RBFOX1: variants seen among roughly 807,000 people sequenced by gnomAD.
RBFOX1 encodes the protein RNA binding fox-1 homolog 1.
A neutral mutation model predicts 57.7 loss-of-function variants in RBFOX1; 8 were observed. That is an observed-to-expected ratio of 0.14 (90% CI 0.08 to 0.25). RBFOX1 has a LOEUF of 0.25. RBFOX1 is among the 10% of genes least tolerant of loss of function. RBFOX1 has a pLI of 1.00. For synonymous variants in RBFOX1, 326 were observed against 222.4 expected (o/e 1.47, Z -4.15); for missense variants, 611 against 548.5 (o/e 1.11, Z -1.14).
chr16:5,657,732 C>CTTTTTT lies in RBFOX1; in HGVS notation c.318+58775_318+58776insTTTTTT, dbSNP rs71386513. On this transcript the variant is annotated intron_variant, in intron 3 of 19. Transcript: ENST00000641259. ...TTTCTCTCTTTCTTTTGTTTCTTTT[C>CTTTTTT]TTTTCTTTTTTTTTTTTTGAGACAG... 1.3e-4 allele frequency among the ~76,000 whole-genome samples: 13 copies of CTTTTTT among 98,348 alleles called. 5 individuals carry two copies. The highest frequency in any genetic ancestry group is 1.9e-4 in the Non-Finnish European group (10 of 53,156). 64.5% of individuals were successfully genotyped at this position (98,348 alleles called of 152,430 possible).
intron 3 of RBFOX1, among the ~76,000 whole-genome samples, chr16:5,866,252 A>AG: frequency 6.6e-6 from 1 of 152,318 alleles, no homozygotes; most frequent in East Asian, 1.9e-4. Flanking sequence ...TATAGGCATG[A>AG]GGCATTGTGC....
intron 9 of RBFOX1, among the ~76,000 whole-genome samples, chr16:7,606,593 C>G (rs1232341876): frequency 6.6e-6 from 1 of 152,118 alleles, no homozygotes; most frequent in Non-Finnish European, 1.5e-5. Context: ...GTAAAGATTT[C>G]TAAAGGGTCA....
chr16:5,281,340 C>G (rs1445017415), intron 1 of RBFOX1, among the ~76,000 whole-genome samples: 4 of 152,132 alleles, frequency 2.6e-5, no homozygotes, highest in African/African-American at 9.6e-5. Flanking sequence ...GTTTTGTGTC[C>G]TAGCATATGG....
intron 14 of RBFOX1, among the ~76,000 whole-genome samples, chr16:7,690,806 C>T (rs1568480651): frequency 6.6e-6 from 1 of 152,048 alleles, no homozygotes; most frequent in East Asian, 1.9e-4. Flanking sequence ...AATCAATAGT[C>T]TTAATGTTCA....
chr16:6,715,375 C>G (rs1270134303), intron 3 of RBFOX1, among the ~76,000 whole-genome samples: 1 of 151,960 alleles, frequency 6.6e-6, no homozygotes, highest in African/African-American at 2.4e-5. Flanking sequence ...ATTTTGAATG[C>G]TGCAGCTTTA....
intron 10 of RBFOX1, among the ~76,000 whole-genome samples, chr16:7,615,574 C>G (rs957864094): frequency 2.6e-5 from 4 of 152,124 alleles, no homozygotes; most frequent in African/African-American, 9.7e-5. Flanking sequence ...GACTCCAAAG[C>G]TCATTTTCTA....
intron 1 of RBFOX1, among the ~76,000 whole-genome samples, chr16:6,311,436 G>A (rs1020177815): frequency 5.9e-5 from 9 of 152,128 alleles, no homozygotes; most frequent in Non-Finnish European, 1.2e-4. Context: ...CATCTGATGT[G>A]GGGATGGGAT....
chr16:6,536,548 G>T (rs575748279), intron 2 of RBFOX1, among the ~76,000 whole-genome samples: 76 of 125,868 alleles, frequency 6.0e-4, no homozygotes, highest in Non-Finnish European at 1.1e-3. Context: ...ACGATGGGGG[G>T]CCCAGGAGGT....
chr16:5,386,113 T>G (rs2066248145), intron 1 of RBFOX1, among the ~76,000 whole-genome samples: 1 of 152,090 alleles, frequency 6.6e-6, no homozygotes, highest in Non-Finnish European at 1.5e-5. Flanking sequence ...AACTTTTTTT[T>G]TTTTTTGGAG....
chr16:7,436,827 C>T (rs1348397514), intron 4 of RBFOX1, among the ~76,000 whole-genome samples: 1 of 152,104 alleles, frequency 6.6e-6, no homozygotes, highest in African/African-American at 2.4e-5. Context: ...TTTGGGAGAC[C>T]AAGGCAGGCG....
At chr16:5,722,176 G>C (rs2051961089) in intron 3 of RBFOX1, among the ~76,000 whole-genome samples, 1 of 152,158 alleles carries the variant, frequency 6.6e-6, no homozygotes, top group Non-Finnish European at 1.5e-5. Flanking sequence ...TGAAAATCAA[G>C]TTTGAAATAG....
chr16:5,318,339 G>C lies in RBFOX1; in HGVS notation c.219+78234G>C, dbSNP rs184077143. On this transcript the variant is annotated intron_variant, in intron 1 of 2. Transcript: ENST00000585867. ...AAATGGGGTTTTGCCATATCGGCCA[G>C]GCTGGTCTCAAACTCCTGACCTCAA... 2.4e-3 allele frequency among the ~76,000 whole-genome samples: 372 copies of C among 152,126 alleles called. 7 individuals are homozygous for C. Among genetic ancestry groups the C allele is most frequent in the Admixed American group, 0.011 (170 of 15,272 alleles).
intron 2 of RBFOX1, among the ~76,000 whole-genome samples, chr16:6,357,595 C>G (rs1380800491): frequency 6.6e-6 from 1 of 151,854 alleles, no homozygotes; most frequent in Non-Finnish European, 1.5e-5. Context: ...GTCTCGCTCC[C>G]TCTTGCTCCC....
chr16:5,308,665 ATAG>A (rs1448038377), intron 1 of RBFOX1, among the ~76,000 whole-genome samples: 1 of 152,122 alleles, frequency 6.6e-6, no homozygotes, highest in African/African-American at 2.4e-5. Context: ...TTCAGGGCCG[ATAG>A]TAGTAAGATG....
At chr16:7,050,139 A>G (rs1208026008) in intron 3 of RBFOX1, among the ~76,000 whole-genome samples, 1 of 141,032 alleles carries the variant, frequency 7.1e-6, no homozygotes, top group African/African-American at 2.9e-5. Flanking sequence ...TTTCAGGTGT[A>G]TAATTCAATG....
chr16:5,467,287 C>G, intron 2 of RBFOX1: 3 of 1,461,646 alleles, frequency 2.1e-6, no homozygotes, highest in Non-Finnish European at 2.8e-6. Context: ...CTTAGGATGT[C>G]TGTGAAGTCT....
At chr16:7,062,639 A>G (rs1002471863) in intron 4 of RBFOX1, among the ~76,000 whole-genome samples, 1 of 152,196 alleles carries the variant, frequency 6.6e-6, no homozygotes, top group African/African-American at 2.4e-5. Context: ...GGATATGGCC[A>G]AGGCAGGACA....
intron 1 of RBFOX1, among the ~76,000 whole-genome samples, chr16:6,213,946 C>A (rs1434378393): frequency 6.6e-6 from 1 of 152,172 alleles, no homozygotes; most frequent in Admixed American, 6.5e-5. Flanking sequence ...CAGTACAACC[C>A]ACTCTCCTAA....
chr16:7,014,915 C>A (rs763061415), intron 3 of RBFOX1, among the ~76,000 whole-genome samples: 1 of 151,844 alleles, frequency 6.6e-6, no homozygotes, highest in Non-Finnish European at 1.5e-5. Context: ...TTACTAGAGG[C>A]ACTTTTGAAC....
Sources: allele counts gnomAD v4.1 joint callset (sites outside exome capture counted in the v4.1 genomes callset), GRCh38; gene constraint gnomAD v4.1.1; transcripts MANE v1.5; gene names NCBI Gene and HGNC (gene_info 2026-07-23, HGNC 2026-07-21).